Variants in MAST3 observed in about 807,000 individuals in gnomAD.
The protein encoded by MAST3 is microtubule associated serine/threonine kinase 3.
In MAST3, 43 loss-of-function variants were observed where a neutral mutation model predicts 127.0. The observed-to-expected ratio is 0.34, with a 90% CI of 0.27 to 0.44. MAST3 has a LOEUF of 0.44. MAST3 is among the 20% of genes least tolerant of loss of function. The pLI, the probability that MAST3 is intolerant of heterozygous loss-of-function variation, is 1.00. For missense variants in MAST3, 1,390 were observed against 1,919.1 expected (o/e 0.72, Z 5.15); for synonymous variants, 785 against 809.2 (o/e 0.97, Z 0.51).
Position 18,147,590 on chromosome 19 carries a change from TCCCTGCCGAAG to T in MAST3, c.3478_3488del (p.Cys1160SerfsTer3). ...ACAGCCTCTCCCCCAGCCCCACCAC[TCCCTGCCGAAG>T]CCCAGCCCCTGATGTCCCAGCAGGT... On this transcript the variant is annotated frameshift_variant, in exon 27 of 28. Coordinates refer to ENST00000687212, the MANE Select transcript of MAST3 (RefSeq NM_001393504.1). LOFTEE classifies it low-confidence loss of function (END_TRUNC). 1 of 1,473,004 alleles carries T rather than the reference TCCCTGCCGAAG, an allele frequency of 6.8e-7. No homozygotes were observed. 91.2% of individuals were successfully genotyped at this position (1,473,004 alleles called of 1,614,324 possible).
In MAST3 at chr19:18,124,160, T is replaced by C. The variant is rs370425371; in HGVS notation, c.843+12T>C. On this transcript the variant is annotated intron_variant, in intron 9 of 27. Transcript: ENST00000687212. ...GGCTTCTGCAGGATGTGCGTGGTTT[T>C]TCGCATGTTGAGGTTTTGCATGCAG... 2.5e-6 allele frequency: 4 copies of C among 1,604,668 alleles called. No individual in the cohort carries two copies. In the African/African-American group the frequency reaches 5.4e-5, roughly 21 times the overall value.
At chr19:18,136,571 A>G (rs1414010672) in intron 18 of MAST3, among the ~76,000 whole-genome samples, 1 of 152,096 alleles carries the variant, frequency 6.6e-6, no homozygotes, top group African/African-American at 2.4e-5. Context: ...ATGTGCCATC[A>G]TGCCCGGCTA....
intron 13 of MAST3, 134 bp downstream of exon 13, chr19:18,129,085 C>T (rs2040975400): frequency 1.3e-6 from 1 of 751,670 alleles, no homozygotes; most frequent in South Asian, 1.6e-5. Context: ...GAGAAGGCAC[C>T]TGAGGACTGG....
At chr19:18,098,963 C>A in intron 1 of MAST3, 1 of 340,628 alleles carries the variant, frequency 2.9e-6, no homozygotes, top group Non-Finnish European at 5.9e-6. Context: ...GCTGGGAGCC[C>A]TGGGGTAGAG....
chr19:18,131,240 A>G (rs1262461624), intron 14 of MAST3, among the ~76,000 whole-genome samples: 1 of 151,456 alleles, frequency 6.6e-6, no homozygotes, highest in African/African-American at 2.4e-5. Context: ...ACATGGCGAA[A>G]CCCCCATTCA....
intron 3 of MAST3, chr19:18,118,270 C>T (rs1331177962): frequency 2.0e-6 from 2 of 985,118 alleles, no homozygotes; most frequent in Non-Finnish European, 2.4e-6. Context: ...GGGCACGGCG[C>T]CGGCGAAGGC....
At chr19:18,123,405 C>T (rs2040224739) in intron 7 of MAST3, 31 bp downstream of exon 7, 2 of 1,588,436 alleles carry the variant, frequency 1.3e-6, no homozygotes, top group Non-Finnish European at 1.7e-6. Context: ...CCAGCCCCGG[C>T]CCCTCCCTGG....
chr19:18,103,551 A>C (rs922476234), intron 1 of MAST3, among the ~76,000 whole-genome samples: 1 of 152,168 alleles, frequency 6.6e-6, no homozygotes, highest in Non-Finnish European at 1.5e-5. Context: ...ACAAACAAAC[A>C]AACAAAATAT....
At chr19:18,101,819 A>G (rs1404943299) in intron 1 of MAST3, among the ~76,000 whole-genome samples, 2 of 145,790 alleles carry the variant, frequency 1.4e-5, no homozygotes, top group Non-Finnish European at 3.0e-5. Flanking sequence ...CCCGACTAAT[A>G]TAATTTTTAT....
Position 18,135,735 on chromosome 19 carries a change from T to C in MAST3, c.1871-5T>C. ...CCCTCATTTTACCTCCCTCCCTCAT[T>C]TTAGATGAGATCATGTGGCCAGAGG... On this transcript the variant is annotated splice_polypyrimidine_tract_variant and splice_region_variant and intron_variant, in intron 17 of 27. Coordinates refer to ENST00000687212, the MANE Select transcript of MAST3 (RefSeq NM_001393504.1). The C allele has an allele frequency of 6.2e-7, 1 of 1,606,420 alleles. No individual in the cohort carries two copies. Among genetic ancestry groups the C allele is most frequent in the Non-Finnish European group, 8.5e-7 (1 of 1,175,316 alleles).
Position 18,149,589 on chromosome 19 carries a change from A to G in MAST3, c.3907A>G (p.Lys1303Glu). The G allele has an allele frequency of 6.2e-7, 1 of 1,610,170 alleles. No homozygotes were observed. Among genetic ancestry groups the G allele is most frequent in the Non-Finnish European group, 8.5e-7 (1 of 1,178,766 alleles). ...GTCCGAGCGCCGAGACTCCTTCAAGAAGCAGGAGGCCGTGCAGGAGGTTAG... is the reference window on the plus strand; with the variant it reads ...GTCCGAGCGCCGAGACTCCTTCAAGGAGCAGGAGGCCGTGCAGGAGGTTAG... ...HLSERRDSFK[K>E]QEAVQEVSFD... The change falls in exon 28 of 28, where the codon AAG becomes GAG. Residue 1303 changes from lysine (K) to glutamate (E), a missense_variant. Physicochemically the swap from Lys to Glu is moderately conservative, Grantham distance 56. Coordinates refer to ENST00000687212, the MANE Select transcript of MAST3 (RefSeq NM_001393504.1). The surrounding 1 kb of genome is among the most constrained non-coding windows in gnomAD (Gnocchi z 5.9).
chr19:18,110,057 C>T lies in MAST3; in HGVS notation c.72-595C>T. 2 of 985,330 alleles carry T rather than the reference C, an allele frequency of 2.0e-6. No homozygotes were observed. The highest frequency in any genetic ancestry group is 2.4e-6 in the Non-Finnish European group (2 of 829,894). 61.0% of individuals were successfully genotyped at this position (985,330 alleles called of 1,614,324 possible). ...GTCCCTGCGGCAGACAGGGCGGCAC[C>T]CGCGGCTCCCCTTTCCCGCTGCGCG... On this transcript the variant is annotated intron_variant, in intron 2 of 27. Transcript: ENST00000687212. This position sits in a 1 kb window ranked among gnomAD's most constrained non-coding sequence, Gnocchi z 4.3.
intron 1 of MAST3, among the ~76,000 whole-genome samples, chr19:18,106,363 C>G (rs929159159): frequency 1.3e-5 from 2 of 150,030 alleles, no homozygotes; most frequent in African/African-American, 4.9e-5. Context: ...GCGATCCTCC[C>G]GAGTAGCTGG....
chr19:18,143,892 G>C lies in MAST3; in HGVS notation c.2469G>C (p.Glu823Asp). The C allele has an allele frequency of 6.2e-7, 1 of 1,613,894 alleles. No individual in the cohort carries two copies. The highest frequency in any genetic ancestry group is 8.5e-7 in the Non-Finnish European group (1 of 1,179,878). ...TGCCCAAGTTTGCCTTCTCATCAGAGGATGAGGGGGTAGGCCCAGGCCCTG... is the reference window on the plus strand; with the variant it reads ...TGCCCAAGTTTGCCTTCTCATCAGACGATGAGGGGGTAGGCCCAGGCCCTG... ...DTMPKFAFSS[E>D]DEGVGPGPAG... The change falls in exon 22 of 28, where the codon GAG becomes GAC. Residue 823 changes from glutamate (E) to aspartate (D), a missense_variant. Around this residue, in one of 5 missense-constraint regions of MAST3, gnomAD observed 816 missense variants for 934.1 expected, o/e 0.87. Transcript: ENST00000687212.
At chr19:18,102,730 T>G (rs186807715) in intron 1 of MAST3, among the ~76,000 whole-genome samples, 144 of 152,254 alleles carry the variant, frequency 9.5e-4, no homozygotes, top group African/African-American at 3.5e-3. Flanking sequence ...TCCGCCCACC[T>G]TGGCCTCCCA....
chr19:18,134,384 A>G (rs529520791), intron 15 of MAST3, among the ~76,000 whole-genome samples, 195 bp from the exon 16 acceptor site: 1 of 152,316 alleles, frequency 6.6e-6, no homozygotes, highest in African/African-American at 2.4e-5. Context: ...TATGTCTACA[A>G]AAAAAACCTT....
At chr19:18,142,578 C>T (rs1374407757) in intron 21 of MAST3, among the ~76,000 whole-genome samples, 1 of 151,642 alleles carries the variant, frequency 6.6e-6, no homozygotes, top group East Asian at 2.0e-4. Context: ...TCTCGGTCTC[C>T]TGACCTCGTG....
rs1555798748 is a variant in MAST3 at position 18,124,931 on chromosome 19, A to ACCGC, written c.1078+159_1078+160insGCCC. Among the ~76,000 whole-genome samples, 7 of 135,710 alleles carry ACCGC rather than the reference A, an allele frequency of 5.2e-5. No homozygotes were observed. The South Asian group carries it at 1.4e-3, about 27-fold the overall frequency. 89.0% of individuals were successfully genotyped at this position (135,710 alleles called of 152,430 possible). A position where few individuals can be genotyped will look rare whatever the true frequency, so the allele number is the denominator to read the frequency against. ...GACCAGCCTGGCCAACATGGTGGAA[A>ACCGC]CCCCCCCCCTACTAAAAATACAAAA... On this transcript the variant is annotated intron_variant, in intron 11 of 27. Transcript: ENST00000687212.
intron 20 of MAST3, among the ~76,000 whole-genome samples, chr19:18,139,821 TTTC>T (rs2042257497): frequency 1.3e-5 from 2 of 149,322 alleles, no homozygotes; most frequent in Non-Finnish European, 3.0e-5. Context: ...ATTTTTTTTT[TTTC>T]TTTTTTTTTT....
Sources: allele counts gnomAD v4.1 joint callset (sites outside exome capture counted in the v4.1 genomes callset), GRCh38; gene constraint gnomAD v4.1.1; regional missense constraint gnomAD v4.1.1; non-coding constraint Gnocchi (gnomAD v3.1); transcripts MANE v1.5; gene names NCBI Gene and HGNC (gene_info 2026-07-23, HGNC 2026-07-21).